CASP8: variants seen among roughly 807,000 people sequenced by gnomAD.
The protein encoded by CASP8 is caspase 8, also known as caspase-8.
Under a neutral mutation model 46.3 loss-of-function variants are expected in CASP8, and 24 were observed. That is an observed-to-expected ratio of 0.52 (90% CI 0.38 to 0.73). CASP8 has a LOEUF of 0.73. CASP8 is among the 30% of genes least tolerant of loss of function. CASP8 has a pLI of 0.00. For synonymous variants in CASP8, 188 were observed against 200.4 expected (o/e 0.94, Z 0.52); for missense variants, 460 against 559.0 (o/e 0.82, Z 1.79).
In CASP8 at chr2:201,272,942, G is replaced by A. The variant is rs369934399; in HGVS notation, c.595G>A (p.Gly199Arg). The change falls in exon 5 of 9, where the codon GGG (glycine) becomes AGG (arginine). Residue 199 changes from glycine (G) to arginine (R), a missense_variant and splice_region_variant. Transcript: ENST00000673742. The surrounding 1 kb of genome is among the most constrained non-coding windows in gnomAD (Gnocchi z 4.4). ...AGGAAGTCCTGATGAATTTTCAAAT[G>A]GTAATGCTTGGAGATACATTTTCAA... ...LEGSPDEFSN[G>R]EELCGVMTIS... 2.5e-6 allele frequency: 4 copies of A among 1,613,264 alleles called. No homozygotes were observed. In the African/African-American group the frequency reaches 5.3e-5, roughly 22 times the overall value.
intron 2 of CASP8, among the ~76,000 whole-genome samples, chr2:201,236,291 TAATTC>T (rs1217354888): frequency 6.6e-6 from 1 of 152,260 alleles, no homozygotes; most frequent in African/African-American, 2.4e-5. Context: ...GATTTTAATT[TAATTC>T]AATACTACAT....
intron 2 of CASP8, among the ~76,000 whole-genome samples, chr2:201,271,091 G>A (rs1285565352): frequency 6.6e-6 from 1 of 152,144 alleles, no homozygotes; most frequent in African/African-American, 2.4e-5. Context: ...TTCCAGAACC[G>A]AATGCTTGGC....
chr2:201,254,505 G>A (rs1380813896), intron 2 of CASP8, among the ~76,000 whole-genome samples: 3 of 152,166 alleles, frequency 2.0e-5, no homozygotes, highest in Non-Finnish European at 4.4e-5. Context: ...GAGCGGCCCC[G>A]TTGAATCCAC....
intron 1 of CASP8, among the ~76,000 whole-genome samples, chr2:201,265,776 C>G (rs1206451189): frequency 6.6e-6 from 1 of 152,060 alleles, no homozygotes; most frequent in Admixed American, 6.5e-5. Context: ...GCTCCTTGTG[C>G]CTGCCTGAAT....
intron 2 of CASP8, among the ~76,000 whole-genome samples, chr2:201,246,465 G>C (rs191363195): frequency 2.6e-5 from 4 of 152,238 alleles, no homozygotes; most frequent in Admixed American, 2.6e-4. Context: ...TAGAATTGCA[G>C]AAGAAAAATA....
chr2:201,281,867 A>G (rs2125393905), intron 7 of CASP8: 12 of 1,479,752 alleles, frequency 8.1e-6, no homozygotes, highest in East Asian at 2.7e-5. Flanking sequence ...GGCAATAAAT[A>G]TTAGAAGCCT....
chr2:201,239,667 T>G (rs1193388386), intron 2 of CASP8, among the ~76,000 whole-genome samples: 1 of 152,208 alleles, frequency 6.6e-6, no homozygotes, highest in African/African-American at 2.4e-5. Context: ...TAGTGGCTAC[T>G]TTCAGTTTCC....
chr2:201,275,060 A>C, intron 6 of CASP8, 107 bp downstream of exon 6: 1 of 815,186 alleles, frequency 1.2e-6, no homozygotes, highest in Non-Finnish European at 2.0e-6. Context: ...AGGGGCAGAA[A>C]CTTACTGAAA....
chr2:201,261,535 A>C lies in CASP8; in HGVS notation c.-27+922A>C, dbSNP rs557885865. On this transcript the variant is annotated intron_variant, in intron 1 of 8. Transcript: ENST00000673742. Reference sequence around the variant, plus strand: ...AAGTTGCAAGTTTCATTCTGTTTGAAAATGATGGGATTATATGTTTTGCTG... The same window carrying C: ...AAGTTGCAAGTTTCATTCTGTTTGACAATGATGGGATTATATGTTTTGCTG... Among the ~76,000 whole-genome samples the C allele has an allele frequency of 5.3e-5, 8 of 152,338 alleles. No homozygotes were observed. In the South Asian group the frequency reaches 1.7e-3, roughly 32 times the overall value.
At chr2:201,279,114 G>A (rs1305931069) in intron 7 of CASP8, among the ~76,000 whole-genome samples, 1 of 152,174 alleles carries the variant, frequency 6.6e-6, no homozygotes, top group Non-Finnish European at 1.5e-5. Context: ...TCAGCAATTG[G>A]AAGTACAAAG....
chr2:201,236,479 C>T (rs1946050840), intron 2 of CASP8, among the ~76,000 whole-genome samples: 1 of 152,172 alleles, frequency 6.6e-6, no homozygotes, highest in East Asian at 1.9e-4. Flanking sequence ...GCCCAAGAAC[C>T]ATCGGTATTT....
At chr2:201,249,684 C>T (rs1266615435) in intron 2 of CASP8, among the ~76,000 whole-genome samples, 1 of 152,168 alleles carries the variant, frequency 6.6e-6, no homozygotes, top group African/African-American at 2.4e-5. Flanking sequence ...GAGATCACAC[C>T]ACTGCACTCT....
intron 5 of CASP8, among the ~76,000 whole-genome samples, chr2:201,274,637 G>A (rs756145701): frequency 6.6e-6 from 1 of 152,098 alleles, no homozygotes; most frequent in Non-Finnish European, 1.5e-5. Flanking sequence ...ACCACGCCCG[G>A]CTAATTTTTT....
chr2:201,238,205 G>A (rs1271487815), intron 2 of CASP8, among the ~76,000 whole-genome samples: 1 of 152,172 alleles, frequency 6.6e-6, no homozygotes, highest in East Asian at 1.9e-4. Context: ...AGGAAACTAA[G>A]GCTGAGCTGA....
intron 2 of CASP8, among the ~76,000 whole-genome samples, chr2:201,267,890 G>C (rs1415385038): frequency 6.6e-6 from 1 of 152,172 alleles, no homozygotes; most frequent in Non-Finnish European, 1.5e-5. Flanking sequence ...TATTCTCAGA[G>C]ACTATTTTTT....
In CASP8 at chr2:201,284,796, G is replaced by C; in HGVS notation, c.803-20G>C. 1 of 1,596,650 alleles carries C rather than the reference G, an allele frequency of 6.3e-7. No homozygotes were observed. The highest frequency in any genetic ancestry group is 8.5e-7 in the Non-Finnish European group (1 of 1,173,374). On this transcript the variant is annotated intron_variant, in intron 7 of 8. Coordinates refer to ENST00000673742, the MANE Select transcript of CASP8 (RefSeq NM_001372051.1). ...TGAATTACTGTGGTATAACGTGACT[G>C]TTCAAATTTCACTTTTCAGGGGCTT...
At chr2:201,251,551 C>A (rs529712150) in intron 2 of CASP8, among the ~76,000 whole-genome samples, 1 of 142,040 alleles carries the variant, frequency 7.0e-6, no homozygotes, top group East Asian at 2.1e-4. Flanking sequence ...GCCAAGATGG[C>A]GCCACTGCAC....
chr2:201,275,689 G>A (rs1208174302), intron 6 of CASP8, among the ~76,000 whole-genome samples: 1 of 152,174 alleles, frequency 6.6e-6, no homozygotes, highest in African/African-American at 2.4e-5. Flanking sequence ...TGTCCCCACT[G>A]AAGAGCTAAA....
intron 8 of CASP8, among the ~76,000 whole-genome samples, 198 bp from the exon 9 acceptor site, chr2:201,286,261 C>T (rs1016253208): frequency 1.3e-5 from 2 of 152,052 alleles, no homozygotes; most frequent in African/African-American, 4.8e-5. Context: ...CTGAATAAAC[C>T]AAAAGTAAGT....
Sources: allele counts gnomAD v4.1 joint callset (sites outside exome capture counted in the v4.1 genomes callset), GRCh38; gene constraint gnomAD v4.1.1; non-coding constraint Gnocchi (gnomAD v3.1); transcripts MANE v1.5; gene names NCBI Gene and HGNC (gene_info 2026-07-23, HGNC 2026-07-21).